SLC8A3: variants seen among roughly 807,000 people sequenced by gnomAD.
SLC8A3 encodes the protein solute carrier family 8 member A3.
A neutral mutation model predicts 65.4 loss-of-function variants in SLC8A3; 37 were observed. The ratio of observed to expected loss-of-function variants is 0.57; its 90% CI spans 0.44 to 0.74. The LOEUF (loss-of-function observed/expected upper bound fraction) is 0.74. SLC8A3 is among the 30% of genes least tolerant of loss of function. The pLI is 0.00. For synonymous variants in SLC8A3, 461 were observed against 444.5 expected (o/e 1.04, Z -0.47); for missense variants, 1,112 against 1,172.1 (o/e 0.95, Z 0.75).
intron 2 of SLC8A3, among the ~76,000 whole-genome samples, chr14:70,125,680 T>C (rs1166331021): frequency 6.6e-6 from 1 of 152,190 alleles, no homozygotes; most frequent in Non-Finnish European, 1.5e-5. Context: ...TTATCTTCCT[T>C]TGGGTAGATA....
Position 70,049,053 on chromosome 14 carries a change from G to C in SLC8A3, c.2114-11C>G, listed in dbSNP as rs1302668681. ...CATCCTCATCCCCTGCTGAAGGCAA[G>C]ATAAACAGGCAAGAGAACGGGTAAC... On this transcript the variant is annotated splice_polypyrimidine_tract_variant and intron_variant, in intron 5 of 6. Coordinates refer to ENST00000356921, the MANE Select transcript of SLC8A3 (RefSeq NM_182932.3). 2.5e-6 allele frequency: 4 copies of C among 1,595,848 alleles called. No homozygotes were observed. Among genetic ancestry groups the C allele is most frequent in the Non-Finnish European group, 3.4e-6 (4 of 1,169,152 alleles).
chr14:70,168,683 C>T (rs543437033), intron 1 of SLC8A3, among the ~76,000 whole-genome samples, 199 bp from the exon 2 acceptor site: 23 of 152,200 alleles, frequency 1.5e-4, no homozygotes, highest in Admixed American at 6.5e-4. Context: ...GTGGAGACTC[C>T]GTTGAAAAAT....
intron 2 of SLC8A3, among the ~76,000 whole-genome samples, chr14:70,083,286 T>C (rs1477141487): frequency 1.3e-5 from 2 of 152,188 alleles, no homozygotes; most frequent in African/African-American, 2.4e-5. Flanking sequence ...TGCTTCCCCA[T>C]GCATGACCAT....
chr14:70,046,344 A>G lies in SLC8A3; in HGVS notation c.2390-21T>C. On this transcript the variant is annotated intron_variant, in intron 6 of 6. Coordinates refer to ENST00000356921, the MANE Select transcript of SLC8A3 (RefSeq NM_182932.3). This position sits in a 1 kb window ranked among gnomAD's most constrained non-coding sequence, Gnocchi z 4.2. ...CGTATCTGGAAAAGGACAAAGACAC[A>G]TGGGAACTGGTAGGAGGCTAAGGTG... is the stretch of plus-strand genomic sequence containing the variant. The G allele has an allele frequency of 6.3e-7, 1 of 1,583,236 alleles. No homozygotes were observed. The highest frequency in any genetic ancestry group is 8.6e-7 in the Non-Finnish European group (1 of 1,162,956).
intron 2 of SLC8A3, among the ~76,000 whole-genome samples, chr14:70,092,295 G>T (rs1891854389): frequency 6.6e-6 from 1 of 152,054 alleles, no homozygotes; most frequent in African/African-American, 2.4e-5. Flanking sequence ...TTGAGGGTGT[G>T]CTCAAGTGTC....
At chr14:70,095,887 T>A (rs67632716) in intron 2 of SLC8A3, among the ~76,000 whole-genome samples, 28,695 of 151,902 alleles carry the variant, frequency 0.19, 2,870 homozygotes, top group Non-Finnish European at 0.22. Flanking sequence ...ATATCTTCTT[T>A]TTTTTTTTCG....
intron 2 of SLC8A3, among the ~76,000 whole-genome samples, chr14:70,064,211 A>G (rs1889148703): frequency 6.6e-6 from 1 of 152,190 alleles, no homozygotes; most frequent in Non-Finnish European, 1.5e-5. Context: ...AATCCTGGAT[A>G]GGCTGTGTAA....
chr14:70,161,239 G>A (rs1385726718), intron 2 of SLC8A3, among the ~76,000 whole-genome samples: 5 of 120,048 alleles, frequency 4.2e-5, no homozygotes, highest in Non-Finnish European at 8.1e-5. Context: ...GCAGTGAGCC[G>A]AGATGTGCCA....
intron 2 of SLC8A3, among the ~76,000 whole-genome samples, chr14:70,122,037 T>A (rs1037168469): frequency 1.3e-5 from 2 of 152,092 alleles, no homozygotes; most frequent in African/African-American, 2.4e-5. Flanking sequence ...GAGGCGAGCT[T>A]CCTCATCTCC....
At chr14:70,132,040 A>AC (rs1894871065) in intron 2 of SLC8A3, among the ~76,000 whole-genome samples, 1 of 152,258 alleles carries the variant, frequency 6.6e-6, no homozygotes, top group African/African-American at 2.4e-5. Flanking sequence ...GAACCTGCAG[A>AC]CCAGCATGGC....
intron 2 of SLC8A3, among the ~76,000 whole-genome samples, chr14:70,080,500 A>G (rs1246756591): frequency 6.6e-6 from 1 of 152,230 alleles, no homozygotes; most frequent in African/African-American, 2.4e-5. Flanking sequence ...ACACTGGCCC[A>G]GACACAGCCT....
chr14:70,145,224 G>C (rs1014965181), intron 2 of SLC8A3, among the ~76,000 whole-genome samples: 13 of 152,160 alleles, frequency 8.5e-5, no homozygotes, highest in African/African-American at 2.9e-4. Flanking sequence ...GTAAATGCTT[G>C]GTTATTTGAC....
At chr14:70,129,863 T>C (rs1894705467) in intron 2 of SLC8A3, among the ~76,000 whole-genome samples, 1 of 152,238 alleles carries the variant, frequency 6.6e-6, no homozygotes, top group Admixed American at 6.5e-5. Flanking sequence ...CAGTATTTTT[T>C]GCATAGCTCA....
At chr14:70,145,697 AG>A (rs1361073674) in intron 2 of SLC8A3, among the ~76,000 whole-genome samples, 4 of 152,198 alleles carry the variant, frequency 2.6e-5, no homozygotes, top group East Asian at 1.9e-4. Flanking sequence ...TGTGGGAGGA[AG>A]GGGACATGAA....
At chr14:70,160,240 T>C (rs1211003852) in intron 2 of SLC8A3, among the ~76,000 whole-genome samples, 1 of 152,004 alleles carries the variant, frequency 6.6e-6, no homozygotes, top group Non-Finnish European at 1.5e-5. Flanking sequence ...AGGTCAGGTG[T>C]TTGAGACCAG....
chr14:70,081,619 G>A (rs1321011401), intron 2 of SLC8A3, among the ~76,000 whole-genome samples: 1 of 152,176 alleles, frequency 6.6e-6, no homozygotes, highest in East Asian at 1.9e-4. Context: ...GTCTGACCTT[G>A]GTGGGGTCAT....
intron 2 of SLC8A3, among the ~76,000 whole-genome samples, chr14:70,096,225 GC>G (rs1385196098): frequency 6.6e-6 from 1 of 152,098 alleles, no homozygotes; most frequent in Non-Finnish European, 1.5e-5. Flanking sequence ...TATAAAAGGT[GC>G]CTTTACTGGG....
rs747295056 is a variant in SLC8A3 at position 70,049,034 on chromosome 14, C to T, written c.2122G>A (p.Glu708Lys). 11 of 1,605,868 alleles carry T rather than the reference C, an allele frequency of 6.8e-6. No individual in the cohort carries two copies. The East Asian group carries it at 2.5e-4, about 36-fold the overall frequency. The change falls in exon 6 of 7, where the codon GAG becomes AAG. Residue 708 changes from glutamate to lysine, a missense_variant. Glu to Lys is a moderately conservative substitution (Grantham distance 56). Transcript: ENST00000356921. ...TCCTCCCCGGATTCATCCTCATCCT[C>T]ATCCCCTGCTGAAGGCAAGATAAAC... ...EAITVSAAGD[E>K]DEDESGEERL...
chr14:70,158,411 G>A (rs1329962632), intron 2 of SLC8A3, among the ~76,000 whole-genome samples: 1 of 152,202 alleles, frequency 6.6e-6, no homozygotes, highest in East Asian at 1.9e-4. Context: ...AAACAGCCTG[G>A]CAGAAGATGG....
Sources: gnomAD v4.1 joint callset for allele counts (sites outside exome capture counted in the v4.1 genomes callset) on GRCh38, gnomAD v4.1.1 for gene constraint, Gnocchi (gnomAD v3.1) non-coding constraint, MANE v1.5 for transcripts, NCBI Gene and HGNC (gene_info 2026-07-23, HGNC 2026-07-21) for gene names.